The following CHP1 variants were observed in gnomAD, a reference collection of about 807,000 sequenced individuals.
CHP1 encodes calcineurin B homologous protein 1.
A neutral mutation model predicts 27.4 loss-of-function variants in CHP1; 11 were observed. That is an observed-to-expected ratio of 0.40 (90% CI 0.25 to 0.67). The LOEUF is 0.67. Among genes scored for constraint, CHP1 ranks in the 30% least tolerant of loss-of-function variants. The probability of loss-of-function intolerance (pLI) is 0.38; values close to 1 mark genes in which losing one functional copy is unlikely to be tolerated. For missense variants in CHP1, 169 were observed against 251.3 expected, an observed-to-expected ratio of 0.67 and a Z score of 2.22; for synonymous variants, 89 against 87.4, an observed-to-expected ratio of 1.02 and a Z score of -0.10.
At chr15:41,250,563 A>G (rs935378704) in intron 2 of CHP1, among the ~76,000 whole-genome samples, 1 of 151,536 alleles carries the variant, frequency 6.6e-6, no homozygotes, top group African/African-American at 2.4e-5. Context: ...GTGAAATTCC[A>G]TCTCAAAAAT....
At chr15:41,241,812 CTACAAG>C (rs1203773369) in intron 1 of CHP1, among the ~76,000 whole-genome samples, 1 of 152,240 alleles carries the variant, frequency 6.6e-6, no homozygotes, top group Non-Finnish European at 1.5e-5. Flanking sequence ...GTTCCCAACA[CTACAAG>C]TACATTTTTG....
At chr15:41,279,241 C>A in intron 6 of CHP1, 95 bp from the exon 7 acceptor site, 5 of 1,016,344 alleles carry the variant, frequency 4.9e-6, no homozygotes, top group Non-Finnish European at 6.0e-6. Context: ...CGTTTTACTG[C>A]ACAGGAGGAA....
chr15:41,276,822 C>G (rs761086003), intron 5 of CHP1, among the ~76,000 whole-genome samples: 8 of 152,172 alleles, frequency 5.3e-5, no homozygotes, highest in Non-Finnish European at 1.0e-4. Context: ...ACTAGTTAGG[C>G]TCACGCAACA....
At chr15:41,273,569 C>T (rs1244222660) in intron 5 of CHP1, among the ~76,000 whole-genome samples, 2 of 151,660 alleles carry the variant, frequency 1.3e-5, no homozygotes, top group African/African-American at 2.4e-5. Context: ...TTAGTAGAGA[C>T]GGGGTTTCAC....
intron 1 of CHP1, among the ~76,000 whole-genome samples, chr15:41,235,251 G>A (rs184365230): frequency 0.1 from 15,944 of 152,118 alleles, 1,174 homozygotes; most frequent in African/African-American, 0.2. Context: ...AGGCGCAGTG[G>A]CTCACACCTG....
chr15:41,267,432 T>C lies in CHP1; in HGVS notation c.350-3125T>C, dbSNP rs1325317687. Among the ~76,000 whole-genome samples, 4 of 151,472 alleles carry C rather than the reference T, an allele frequency of 2.6e-5. No individual in the cohort carries two copies. In the East Asian group the frequency reaches 5.8e-4, roughly 22 times the overall value. On this transcript the variant is annotated intron_variant, in intron 4 of 6. Coordinates refer to ENST00000334660, the MANE Select transcript of CHP1 (RefSeq NM_007236.5). The stretch of plus-strand genomic sequence containing the variant: ...ATCCCAACACTTTGGGAGGCCAAAG[T>C]AGGCAGATTGCTTGAGGTCAGGAGT...
chr15:41,239,846 A>G (rs4419033), intron 1 of CHP1, among the ~76,000 whole-genome samples: 78,474 of 151,658 alleles, frequency 0.52, 22,229 homozygotes, highest in African/African-American at 0.76. Context: ...GCGCAATCTC[A>G]GCTCACTGCA....
At chr15:41,261,928 G>T (rs1345498052) in intron 3 of CHP1, among the ~76,000 whole-genome samples, 2 of 151,236 alleles carry the variant, frequency 1.3e-5, no homozygotes, top group Non-Finnish European at 2.9e-5. Flanking sequence ...GGAGGCGGAG[G>T]TTGCAGTGAG....
intron 1 of CHP1, among the ~76,000 whole-genome samples, chr15:41,232,766 A>G (rs1160282764): frequency 2.0e-5 from 3 of 152,190 alleles, no homozygotes; most frequent in Non-Finnish European, 2.9e-5. Context: ...TGATAATGAC[A>G]TGACCAGTAA....
At chr15:41,264,412 C>G (rs2047450254) in intron 4 of CHP1, among the ~76,000 whole-genome samples, 1 of 152,076 alleles carries the variant, frequency 6.6e-6, no homozygotes, top group South Asian at 2.1e-4. Flanking sequence ...TAACAAAGTG[C>G]TATGCAGGTT....
At chr15:41,238,637 G>A (rs1212175837) in intron 1 of CHP1, among the ~76,000 whole-genome samples, 3 of 150,970 alleles carry the variant, frequency 2.0e-5, no homozygotes, top group Admixed American at 1.3e-4. Flanking sequence ...TCGGGAGATC[G>A]AGATCATCCT....
intron 2 of CHP1, among the ~76,000 whole-genome samples, chr15:41,255,574 G>A (rs915017319): frequency 6.6e-5 from 10 of 152,136 alleles, no homozygotes; most frequent in Non-Finnish European, 1.3e-4. Flanking sequence ...TTGGGAGACT[G>A]AAGCAGTAGA....
intron 2 of CHP1, among the ~76,000 whole-genome samples, chr15:41,253,999 G>A (rs1480847536): frequency 6.7e-6 from 1 of 149,306 alleles, no homozygotes; most frequent in Non-Finnish European, 1.5e-5. Flanking sequence ...TTGCTCTGTT[G>A]CCCAGGCTGG....
intron 4 of CHP1, among the ~76,000 whole-genome samples, chr15:41,263,332 T>A (rs2047442963): frequency 6.6e-6 from 1 of 152,180 alleles, no homozygotes; most frequent in Non-Finnish European, 1.5e-5. Flanking sequence ...ATAATGGCAA[T>A]CCTCAGCTCA....
chr15:41,242,495 T>C (rs1211622759), intron 1 of CHP1, among the ~76,000 whole-genome samples: 2 of 152,230 alleles, frequency 1.3e-5, no homozygotes, highest in Non-Finnish European at 2.9e-5. Context: ...GGCTCATGCC[T>C]GTAATCCCAG....
intron 4 of CHP1, among the ~76,000 whole-genome samples, chr15:41,266,026 G>A (rs1407023478): frequency 2.6e-5 from 4 of 152,258 alleles, no homozygotes; most frequent in Admixed American, 6.5e-5. Context: ...GCTCATGCCT[G>A]TAATCCCAGC....
chr15:41,238,300 G>A (rs1359683507), intron 1 of CHP1, among the ~76,000 whole-genome samples: 2 of 151,892 alleles, frequency 1.3e-5, no homozygotes, highest in African/African-American at 4.8e-5. Flanking sequence ...TCAGCGTACA[G>A]GAATGCACCA....
rs147111286 is a variant in CHP1 at position 41,244,846 on chromosome 15, T to C, written c.140+1107T>C. Among the ~76,000 whole-genome samples the C allele has an allele frequency of 1.1e-3, 170 of 152,318 alleles. 2 individuals are homozygous for C. The highest frequency in any genetic ancestry group is 3.8e-3 in the African/African-American group (156 of 41,582). ...TAACTCTCAGTAGCAACCTTTCTTA[T>C]GCTGTGGTTCTTCATCTTTGATTGG... On this transcript the variant is annotated intron_variant, in intron 2 of 6. Coordinates refer to ENST00000334660, the MANE Select transcript of CHP1 (RefSeq NM_007236.5).
intron 1 of CHP1, among the ~76,000 whole-genome samples, chr15:41,239,214 T>G (rs1342281753): frequency 1.3e-5 from 2 of 152,302 alleles, no homozygotes; most frequent in East Asian, 1.9e-4. Context: ...TTCTAAAATT[T>G]TGGAGATAAG....
Sources: gnomAD v4.1 joint callset for allele counts (sites outside exome capture counted in the v4.1 genomes callset) on GRCh38, gnomAD v4.1.1 for gene constraint, MANE v1.5 for transcripts, NCBI Gene and HGNC (gene_info 2026-07-23, HGNC 2026-07-21) for gene names.